FBXL17: variants seen among roughly 807,000 people sequenced by gnomAD.
FBXL17 encodes F-box and leucine rich repeat protein 17.
Under a neutral mutation model 66.2 loss-of-function variants are expected in FBXL17, and 22 were observed. That is an observed-to-expected ratio of 0.33 (90% CI 0.24 to 0.47). The LOEUF (loss-of-function observed/expected upper bound fraction) is 0.47, where lower values mean the gene tolerates loss of function less well. Ranked by LOEUF, FBXL17 falls within the 20% of genes least tolerant of loss-of-function variation. The pLI is 1.00. For synonymous variants in FBXL17, 474 were observed against 400.5 expected (o/e 1.18, Z -2.19); for missense variants, 878 against 948.2 (o/e 0.93, Z 0.97).
At chr5:107,909,062 A>G (rs926226619) in intron 7 of FBXL17, among the ~76,000 whole-genome samples, 5 of 152,204 alleles carry the variant, frequency 3.3e-5, no homozygotes, top group Non-Finnish European at 7.4e-5. Context: ...TTAAATGAAC[A>G]TAAATAGATG....
chr5:107,860,275 T>C lies in FBXL17; in HGVS notation c.*1445A>G, dbSNP rs1276510819. ...ATATCTGTTAAAGACCAAATAACAG[T>C]TATATTCACTCAGGGAAAAATAAAT... On this transcript the variant is annotated 3_prime_UTR_variant, in exon 9 of 9. Transcript: ENST00000542267. The C allele has an allele frequency of 6.6e-6, 1 of 152,606 alleles. No homozygotes were observed. The highest frequency in any genetic ancestry group is 1.5e-5 in the Non-Finnish European group (1 of 68,014). The allele number at this position is 152,606 out of a possible 1,614,324, so 9.5% of individuals were successfully genotyped here.
intron 4 of FBXL17, among the ~76,000 whole-genome samples, chr5:108,238,931 GT>G (rs1755729335): frequency 2.0e-5 from 3 of 152,044 alleles, no homozygotes; most frequent in Admixed American, 2.0e-4. Flanking sequence ...ATTTTAAGTT[GT>G]AATTATATGA....
chr5:108,302,409 C>A (rs1297157690), intron 4 of FBXL17, among the ~76,000 whole-genome samples: 2 of 151,768 alleles, frequency 1.3e-5, no homozygotes, highest in African/African-American at 4.8e-5. Context: ...AGAGTTATAT[C>A]TTTACCTAGA....
chr5:108,347,027 C>G (rs1214301095), intron 4 of FBXL17, among the ~76,000 whole-genome samples: 1 of 152,168 alleles, frequency 6.6e-6, no homozygotes, highest in Non-Finnish European at 1.5e-5. Context: ...ACTACACATT[C>G]AGGACTACCC....
rs1352294023 is a variant in FBXL17, at chr5:108,381,613, G to C, written c.79C>G (p.Arg27Gly). ...CGGGGCAGCCTGAGGAGAGGGCGCC[G>C]GCGGCGGCACCAACTGCAACAGCGA... Reference protein sequence around the residue: ...RPRCCSWCRRRRPLLRLPRRT... With the variant: ...RPRCCSWCRRGRPLLRLPRRT... Residue 27 changes from arginine to glycine, a missense_variant, in exon 1 of 9, where the codon CGG becomes GGG. By Grantham distance (125) the Arg-to-Gly change is moderately radical. This residue lies in a region of FBXL17 where 605 missense variants were observed against 509.5 expected (regional missense o/e 1.19). Coordinates refer to ENST00000542267, the MANE Select transcript of FBXL17 (RefSeq NM_001163315.3). The C allele has an allele frequency of 6.7e-7, 1 of 1,484,690 alleles. No homozygotes were observed. Among genetic ancestry groups the C allele is most frequent in the Non-Finnish European group, 8.9e-7 (1 of 1,122,918 alleles). 92.0% of individuals were successfully genotyped at this position (1,484,690 alleles called of 1,614,324 possible). A position where few individuals can be genotyped will look rare whatever the true frequency, so the allele number is the denominator to read the frequency against.
At chr5:107,985,091 G>A (rs995017212) in intron 7 of FBXL17, among the ~76,000 whole-genome samples, 2 of 152,154 alleles carry the variant, frequency 1.3e-5, no homozygotes, top group Non-Finnish European at 2.9e-5. Context: ...GTTTCATCTA[G>A]TTTAAACCAA....
intron 4 of FBXL17, among the ~76,000 whole-genome samples, chr5:108,341,825 G>A (rs745414464): frequency 4.6e-5 from 7 of 151,932 alleles, no homozygotes; most frequent in African/African-American, 7.3e-5. Flanking sequence ...CTTTGTTAAC[G>A]CTCTTTTCCA....
At chr5:107,911,230 G>A (rs1055793447) in intron 7 of FBXL17, among the ~76,000 whole-genome samples, 4 of 151,918 alleles carry the variant, frequency 2.6e-5, no homozygotes, top group Non-Finnish European at 5.9e-5. Flanking sequence ...ACAGACTTGT[G>A]GATATATGAA....
chr5:108,309,565 A>G (rs1385564027), intron 4 of FBXL17, among the ~76,000 whole-genome samples: 1 of 152,108 alleles, frequency 6.6e-6, no homozygotes, highest in African/African-American at 2.4e-5. Flanking sequence ...AAATTAATAT[A>G]TACATTATTT....
chr5:108,338,459 CA>C (rs1268486777), intron 4 of FBXL17, among the ~76,000 whole-genome samples: 1 of 152,034 alleles, frequency 6.6e-6, no homozygotes, highest in African/African-American at 2.4e-5. Flanking sequence ...ATGCTCCAAT[CA>C]AAAATAGCCA....
chr5:107,882,946 T>A (rs1296343654), intron 7 of FBXL17, among the ~76,000 whole-genome samples: 1 of 152,212 alleles, frequency 6.6e-6, no homozygotes, highest in South Asian at 2.1e-4. Context: ...CACAGCCTGC[T>A]TTATAAGCAG....
At chr5:108,374,633 A>G (rs1749295779) in intron 1 of FBXL17, among the ~76,000 whole-genome samples, 3 of 152,180 alleles carry the variant, frequency 2.0e-5, no homozygotes, top group South Asian at 4.1e-4. Context: ...CCATGATCAC[A>G]CCACTGCACT....
At chr5:108,057,954 C>A (rs1477218133) in intron 6 of FBXL17, among the ~76,000 whole-genome samples, 1 of 152,068 alleles carries the variant, frequency 6.6e-6, no homozygotes, top group Non-Finnish European at 1.5e-5. Context: ...CTTCATTTGA[C>A]GAATGAAGGA....
intron 7 of FBXL17, among the ~76,000 whole-genome samples, chr5:107,995,388 G>A (rs1203293430): frequency 2.0e-5 from 3 of 152,150 alleles, no homozygotes; most frequent in Non-Finnish European, 4.4e-5. Flanking sequence ...CCCATTAAGA[G>A]AGGCAAGCAT....
At chr5:108,370,816 A>G (rs1272324054) in intron 1 of FBXL17, among the ~76,000 whole-genome samples, 1 of 152,106 alleles carries the variant, frequency 6.6e-6, no homozygotes, top group Non-Finnish European at 1.5e-5. Context: ...TATTAAGCCC[A>G]CTACAGCCTT....
chr5:107,999,891 G>C (rs1237760024), intron 7 of FBXL17, among the ~76,000 whole-genome samples: 4 of 152,086 alleles, frequency 2.6e-5, no homozygotes, highest in African/African-American at 9.7e-5. Flanking sequence ...CCACATTCAA[G>C]GCAAAGAAAC....
chr5:108,116,783 T>G (rs1390875698), intron 6 of FBXL17, among the ~76,000 whole-genome samples: 1 of 152,072 alleles, frequency 6.6e-6, no homozygotes, highest in Non-Finnish European at 1.5e-5. Flanking sequence ...ACAGCTCAGA[T>G]AGATCCATCC....
chr5:108,076,235 G>C (rs1484268021), intron 6 of FBXL17, among the ~76,000 whole-genome samples: 3 of 152,158 alleles, frequency 2.0e-5, no homozygotes, highest in Non-Finnish European at 4.4e-5. Context: ...TTAGACAAGT[G>C]ACCATAGTAA....
rs201883285 is a variant in FBXL17 at position 108,108,780 on chromosome 5, G to GTTTTTT, written c.1745+77336_1745+77337insAAAAAA. Among the ~76,000 whole-genome samples the GTTTTTT allele has an allele frequency of 9.0e-5, 11 of 122,146 alleles. 2 individuals are homozygous for GTTTTTT. Among genetic ancestry groups the GTTTTTT allele is most frequent in the African/African-American group, 9.0e-5 (3 of 33,220 alleles). 80.1% of individuals were successfully genotyped at this position (122,146 alleles called of 152,430 possible). On this transcript the variant is annotated intron_variant, in intron 6 of 8. Coordinates refer to ENST00000542267, the MANE Select transcript of FBXL17 (RefSeq NM_001163315.3). ...CAGTGGGCCAAAAGACTCACACTTT[G>GTTTTTT]TTTTTGTTTTTTTTTTTTTTGAGAC...
Sources: gnomAD v4.1 joint callset for allele counts (sites outside exome capture counted in the v4.1 genomes callset) on GRCh38, gnomAD v4.1.1 for gene constraint, gnomAD v4.1.1 regional missense constraint, MANE v1.5 for transcripts, NCBI Gene and HGNC (gene_info 2026-07-23, HGNC 2026-07-21) for gene names.